The following ARHGAP28 variants were observed in gnomAD, a reference collection of about 807,000 sequenced individuals.
The protein encoded by ARHGAP28 is Rho GTPase activating protein 28.
A neutral mutation model predicts 90.7 loss-of-function variants in ARHGAP28; 56 were observed. The observed-to-expected ratio is 0.62, with a 90% CI of 0.50 to 0.77. ARHGAP28 has a LOEUF of 0.77. Ranked by LOEUF, ARHGAP28 falls within the 30% of genes least tolerant of loss-of-function variation. The pLI is 0.00. For missense variants in ARHGAP28, 869 were observed against 900.9 expected (o/e 0.96, Z 0.45); for synonymous variants, 308 against 323.3 (o/e 0.95, Z 0.51).
In ARHGAP28 at chr18:6,908,073, C is replaced by T. The variant is rs141678270; in HGVS notation, c.2031-887C>T. ...TCTAGGGTGGAAAAATTAAATTGAG[C>T]GATAGTTTCCTGTGACTTGCTTTTA... On this transcript the variant is annotated intron_variant, in intron 16 of 17. Coordinates refer to ENST00000383472, the MANE Select transcript of ARHGAP28 (RefSeq NM_001366230.1). 1.7e-4 allele frequency among the ~76,000 whole-genome samples: 26 copies of T among 152,040 alleles called. No individual in the cohort carries two copies. The Middle Eastern group carries it at 0.01, about 60-fold the overall frequency.
At chr18:6,860,604 G>A (rs988902151) in intron 5 of ARHGAP28, among the ~76,000 whole-genome samples, 3 of 152,186 alleles carry the variant, frequency 2.0e-5, no homozygotes, top group Non-Finnish European at 4.4e-5. Context: ...TCAGATGGAG[G>A]TGGCACATTC....
chr18:6,761,744 G>C (rs970548625), intron 1 of ARHGAP28, among the ~76,000 whole-genome samples: 1 of 152,188 alleles, frequency 6.6e-6, no homozygotes, highest in African/African-American at 2.4e-5. Context: ...CTGAATAGTG[G>C]TTTTCAACTT....
chr18:6,819,697 C>T (rs11876430), intron 1 of ARHGAP28, among the ~76,000 whole-genome samples: 7,485 of 152,296 alleles, frequency 0.049, 570 homozygotes, highest in African/African-American at 0.17. Flanking sequence ...ATTCCAGCAA[C>T]ACAGGGGACC....
chr18:6,858,676 A>G (rs1488066529), intron 4 of ARHGAP28, among the ~76,000 whole-genome samples: 1 of 151,842 alleles, frequency 6.6e-6, no homozygotes, highest in Non-Finnish European at 1.5e-5. Flanking sequence ...CCCAACAGGC[A>G]TGCACCACCA....
chr18:6,813,365 A>C (rs995031728), intron 1 of ARHGAP28, among the ~76,000 whole-genome samples: 6 of 152,218 alleles, frequency 3.9e-5, no homozygotes, highest in South Asian at 2.1e-4. Flanking sequence ...TTCTCTCTCT[A>C]TATATAACTT....
intron 1 of ARHGAP28, among the ~76,000 whole-genome samples, chr18:6,776,727 T>A (rs774315520): frequency 1.3e-4 from 20 of 152,076 alleles, no homozygotes; most frequent in Non-Finnish European, 2.8e-4. Flanking sequence ...AGAAACGGGG[T>A]GTCAGAGTGG....
intron 3 of ARHGAP28, among the ~76,000 whole-genome samples, chr18:6,842,933 G>A (rs908016405): frequency 2.6e-5 from 4 of 151,898 alleles, no homozygotes; most frequent in African/African-American, 9.7e-5. Context: ...GTTTGTATGA[G>A]TCATATTTTT....
intron 1 of ARHGAP28, among the ~76,000 whole-genome samples, chr18:6,738,228 G>T (rs1373703094): frequency 6.6e-6 from 1 of 152,034 alleles, no homozygotes; most frequent in Non-Finnish European, 1.5e-5. Flanking sequence ...TATCTTTTAT[G>T]TACCAAAGAT....
At position 6,842,750 on chromosome 18, in the gene ARHGAP28, C is replaced by T. The variant is rs191254232; in HGVS notation, c.543+5336C>T. 7.7e-4 allele frequency among the ~76,000 whole-genome samples: 117 copies of T among 152,184 alleles called. 2 individuals carry two copies. In the East Asian group the frequency reaches 0.02, roughly 26 times the overall value. ...ACTCTCCTGTGAATAGGAGTCTGGG[C>T]CTTTTTGAATGGTGAAGTGTGTTTA... On this transcript the variant is annotated intron_variant, in intron 3 of 17. Transcript: ENST00000383472.
intron 1 of ARHGAP28, among the ~76,000 whole-genome samples, chr18:6,777,867 T>C (rs966698820): frequency 6.6e-6 from 1 of 151,946 alleles, no homozygotes; most frequent in Non-Finnish European, 1.5e-5. Flanking sequence ...ATTGACAGAG[T>C]ATGAAGGAAA....
intron 1 of ARHGAP28, among the ~76,000 whole-genome samples, chr18:6,742,917 A>C (rs2143193558): frequency 6.6e-6 from 1 of 152,326 alleles, no homozygotes. Flanking sequence ...AAAAGTAGCT[A>C]AATGAACAAT....
intron 2 of ARHGAP28, among the ~76,000 whole-genome samples, chr18:6,829,951 T>G (rs1460454208): frequency 6.6e-6 from 1 of 152,218 alleles, no homozygotes; most frequent in Non-Finnish European, 1.5e-5. Flanking sequence ...ATGCGTTCCA[T>G]GTCTGTCTCT....
At chr18:6,818,489 T>C (rs181724161) in intron 1 of ARHGAP28, among the ~76,000 whole-genome samples, 11 of 152,316 alleles carry the variant, frequency 7.2e-5, no homozygotes, top group Middle Eastern at 3.4e-3. Context: ...ACATGGTTCC[T>C]CTATATTCTA....
chr18:6,898,290 G>A, intron 16 of ARHGAP28: 2 of 473,734 alleles, frequency 4.2e-6, no homozygotes, highest in South Asian at 4.6e-5. Context: ...GGCCTCAAAC[G>A]TTTTTTTTCT....
rs147877597 is a variant in ARHGAP28, at chr18:6,839,790, G to T, written c.543+2376G>T. 1.7e-4 allele frequency among the ~76,000 whole-genome samples: 26 copies of T among 152,274 alleles called. No homozygotes were observed. In the East Asian group the frequency reaches 5.0e-3, roughly 29 times the overall value. ...GAAAAAGGAAAACTTTGTTTCCTAG[G>T]CTGAAGGTCTAATTGATTAATACCT... On this transcript the variant is annotated intron_variant, in intron 3 of 17. Transcript: ENST00000383472.
chr18:6,831,107 C>T (rs905137704), intron 2 of ARHGAP28, among the ~76,000 whole-genome samples: 3 of 152,152 alleles, frequency 2.0e-5, no homozygotes, highest in African/African-American at 7.2e-5. Flanking sequence ...TGCTTTCAGT[C>T]TCCATCATAT....
chr18:6,862,665 T>C (rs932141544), intron 5 of ARHGAP28, among the ~76,000 whole-genome samples: 1 of 152,136 alleles, frequency 6.6e-6, no homozygotes, highest in African/African-American at 2.4e-5. Context: ...CAGATGAACA[T>C]AGAAAAAGGC....
intron 14 of ARHGAP28, 33 bp from the exon 15 acceptor site, chr18:6,894,802 C>T (rs2057292914): frequency 6.2e-7 from 1 of 1,602,450 alleles, no homozygotes; most frequent in Non-Finnish European, 8.5e-7. Context: ...CTTGTTTTCT[C>T]AACATTACTC....
intron 16 of ARHGAP28, chr18:6,897,323 G>GTATCAGATA (rs2057311768): frequency 6.6e-6 from 1 of 152,196 alleles, no homozygotes; most frequent in African/African-American, 2.4e-5. Context: ...TAACATGCCT[G>GTATCAGATA]TATCAGATAG....
Sources: gnomAD v4.1 joint callset for allele counts (sites outside exome capture counted in the v4.1 genomes callset) on GRCh38, gnomAD v4.1.1 for gene constraint, MANE v1.5 for transcripts, NCBI Gene and HGNC (gene_info 2026-07-23, HGNC 2026-07-21) for gene names.